Variants in PPP2R3A observed in about 807,000 individuals in gnomAD.
The protein encoded by PPP2R3A is protein phosphatase 2 regulatory subunit B''alpha, also known as serine/threonine-protein phosphatase 2A regulatory subunit B'' subunit alpha.
A neutral mutation model predicts 106.9 loss-of-function variants in PPP2R3A; 80 were observed. The observed-to-expected ratio is 0.75, with a 90% CI of 0.62 to 0.90. The LOEUF is 0.90. Ranked by LOEUF, PPP2R3A falls within the 40% of genes least tolerant of loss-of-function variation. PPP2R3A has a pLI of 0.00. For synonymous variants in PPP2R3A, 483 were observed against 468.3 expected (o/e 1.03, Z -0.41); for missense variants, 1,386 against 1,350.4 (o/e 1.03, Z -0.41).
intron 5 of PPP2R3A, among the ~76,000 whole-genome samples, chr3:136,064,978 A>C (rs544431275): frequency 6.6e-5 from 10 of 152,242 alleles, no homozygotes; most frequent in Non-Finnish European, 1.5e-4. Flanking sequence ...CCTGCACAAC[A>C]TAAAAGTCAA....
In PPP2R3A at chr3:135,977,977, A is replaced by G. The variant is rs1369980187; in HGVS notation, c.-441+12128A>G. On this transcript the variant is annotated intron_variant, in intron 1 of 13. Coordinates refer to ENST00000264977, the MANE Select transcript of PPP2R3A (RefSeq NM_002718.5). The stretch of plus-strand genomic sequence containing the variant: ...CAGCCTCCCAAAGTGCCAGGATTAC[A>G]GGTGTGAGCCACCACACCTGGCTGA... 3.3e-5 allele frequency among the ~76,000 whole-genome samples: 5 copies of G among 152,120 alleles called. No homozygotes were observed. The East Asian group carries it at 7.7e-4, about 23-fold the overall frequency.
At chr3:135,966,012 G>A (rs948172629) in intron 1 of PPP2R3A, among the ~76,000 whole-genome samples, 163 bp downstream of exon 1, 4 of 152,058 alleles carry the variant, frequency 2.6e-5, no homozygotes, top group African/African-American at 7.2e-5. Context: ...GGAGCTGATT[G>A]GGCTGTGGAA....
chr3:136,069,928 C>G (rs148608219), intron 5 of PPP2R3A, among the ~76,000 whole-genome samples: 191 of 152,274 alleles, frequency 1.3e-3, no homozygotes, highest in Non-Finnish European at 2.2e-3. Flanking sequence ...AAATAAAATT[C>G]TAATGTGAGA....
rs1384719461 is a variant in PPP2R3A, at chr3:136,003,402, C to T, written c.1904C>T (p.Ala635Val). 1 of 1,613,790 alleles carries T rather than the reference C, an allele frequency of 6.2e-7. No homozygotes were observed. The highest frequency in any genetic ancestry group is 8.5e-7 in the Non-Finnish European group (1 of 1,179,892). ...GAAACCTTGACAACTTCCTCCCAGG[C>T]CAATTTATCAGTCTGTAGAAGTCCT... ...LQETLTTSSQ[A>V]NLSVCRSPVG... The change falls in exon 2 of 14, where the codon GCC becomes GTC. Residue 635 changes from alanine to valine, a missense_variant. Physicochemically the swap from Ala to Val is moderately conservative, Grantham distance 64. Transcript: ENST00000264977.
chr3:136,039,974 A>G (rs1935208935), intron 3 of PPP2R3A, among the ~76,000 whole-genome samples: 1 of 152,150 alleles, frequency 6.6e-6, no homozygotes, highest in Non-Finnish European at 1.5e-5. Flanking sequence ...GTAGCCTCTA[A>G]TATATAAATA....
chr3:135,989,529 T>G (rs924284106), intron 1 of PPP2R3A, among the ~76,000 whole-genome samples: 3 of 151,876 alleles, frequency 2.0e-5, no homozygotes, highest in Non-Finnish European at 4.4e-5. Flanking sequence ...TTTTGGAAAT[T>G]CTTCATCCAC....
intron 13 of PPP2R3A, among the ~76,000 whole-genome samples, chr3:136,111,581 C>T (rs1304862493): frequency 6.6e-6 from 1 of 151,972 alleles, no homozygotes; most frequent in African/African-American, 2.4e-5. Context: ...CATACAACCT[C>T]CTAAGATTGA....
At chr3:136,076,901 T>C (rs1458625969) in intron 6 of PPP2R3A, among the ~76,000 whole-genome samples, 1 of 151,148 alleles carries the variant, frequency 6.6e-6, no homozygotes, top group Non-Finnish European at 1.5e-5. Flanking sequence ...GAGCCGAGAT[T>C]GTGCCACTGC....
chr3:136,025,979 C>A (rs1326365223), intron 2 of PPP2R3A, among the ~76,000 whole-genome samples: 1 of 152,094 alleles, frequency 6.6e-6, no homozygotes, highest in East Asian at 1.9e-4. Context: ...TGGTGTACCT[C>A]CCCTCCCTTT....
At chr3:136,105,724 C>T (rs1226316495) in intron 12 of PPP2R3A, among the ~76,000 whole-genome samples, 1 of 151,824 alleles carries the variant, frequency 6.6e-6, no homozygotes, top group African/African-American at 2.4e-5. Flanking sequence ...CACTTTGGGA[C>T]GCTGAGGCGG....
chr3:135,999,920 A>T (rs1933555010), intron 1 of PPP2R3A, among the ~76,000 whole-genome samples: 1 of 151,792 alleles, frequency 6.6e-6, no homozygotes, highest in East Asian at 1.9e-4. Context: ...ACTACAGGCC[A>T]TGTCATCTCC....
rs542423710 is a variant in PPP2R3A, at chr3:136,064,408, A to C, written c.2470-6070A>C. Among the ~76,000 whole-genome samples, 10 of 152,168 alleles carry C rather than the reference A, an allele frequency of 6.6e-5. No individual in the cohort carries two copies. In the South Asian group the frequency reaches 2.1e-3, roughly 32 times the overall value. On this transcript the variant is annotated intron_variant, in intron 5 of 13. Coordinates refer to ENST00000264977, the MANE Select transcript of PPP2R3A (RefSeq NM_002718.5). ...GTTGCGCACATGTACCCTAAAACTT[A>C]AAGTATAAAAAAAAAATAAGACTCT...
At chr3:136,053,461 G>A (rs1935751999) in intron 5 of PPP2R3A, among the ~76,000 whole-genome samples, 1 of 152,174 alleles carries the variant, frequency 6.6e-6, no homozygotes, top group South Asian at 2.1e-4. Flanking sequence ...GTGAGCTCCT[G>A]TGCTCATCAA....
At chr3:136,003,804 A>T (rs1444851406) in intron 2 of PPP2R3A, among the ~76,000 whole-genome samples, 2 of 152,170 alleles carry the variant, frequency 1.3e-5, no homozygotes, top group African/African-American at 4.8e-5. Context: ...TTATGGTGGA[A>T]ATAATAAGGA....
intron 4 of PPP2R3A, 56 bp downstream of exon 4, chr3:136,041,018 A>C: frequency 6.9e-7 from 1 of 1,450,932 alleles, no homozygotes; most frequent in Non-Finnish European, 9.5e-7. Context: ...GACCCTCATG[A>C]CATGCTTTCT....
chr3:136,140,461 A>AC lies in PPP2R3A; in HGVS notation c.3330-4582_3330-4581insC, dbSNP rs1304192521. Among the ~76,000 whole-genome samples, 32 of 150,428 alleles carry AC rather than the reference A, an allele frequency of 2.1e-4. 1 individual carries two copies. The highest frequency in any genetic ancestry group is 7.6e-4 in the African/African-American group (31 of 40,538). On this transcript the variant is annotated intron_variant, in intron 13 of 13. Transcript: ENST00000264977. The stretch of plus-strand genomic sequence containing the variant: ...ACTCTTTAAAAAAAAAAAAAAAAAA[A>AC]AAACCCGGGCTCAGTGGCTCACGCC...
intron 5 of PPP2R3A, among the ~76,000 whole-genome samples, chr3:136,054,810 G>T (rs1424620553): frequency 6.6e-6 from 1 of 152,124 alleles, no homozygotes; most frequent in Non-Finnish European, 1.5e-5. Flanking sequence ...TGATGCCATT[G>T]GTCAGAATGC....
intron 4 of PPP2R3A, among the ~76,000 whole-genome samples, chr3:136,041,253 T>TG (rs1476202678): frequency 4.2e-5 from 5 of 119,354 alleles, no homozygotes; most frequent in African/African-American, 1.0e-4. Context: ...TTTTTTTGTT[T>TG]TTTTTTTTGT....
intron 4 of PPP2R3A, among the ~76,000 whole-genome samples, chr3:136,042,214 A>G (rs1427829372): frequency 6.6e-6 from 1 of 152,226 alleles, no homozygotes; most frequent in Non-Finnish European, 1.5e-5. Context: ...GGTCAAGTTC[A>G]AGTTCTTCAT....
Sources: allele counts gnomAD v4.1 joint callset (sites outside exome capture counted in the v4.1 genomes callset), GRCh38; gene constraint gnomAD v4.1.1; transcripts MANE v1.5; gene names NCBI Gene and HGNC (gene_info 2026-07-23, HGNC 2026-07-21).